Variants in JARID2 observed in about 807,000 individuals in gnomAD.
JARID2 encodes the protein protein Jumonji.
JARID2 carries 21 observed loss-of-function variants against 125.6 expected under a neutral mutation model. The observed-to-expected ratio is 0.17, with a 90% CI of 0.12 to 0.24. JARID2 has a LOEUF of 0.24. JARID2 is among the 10% of genes least tolerant of loss of function. The probability of loss-of-function intolerance (pLI) is 1.00; values close to 1 mark genes in which losing one functional copy is unlikely to be tolerated. For missense variants in JARID2, 1,303 were observed against 1,639.6 expected (o/e 0.79, Z 3.55); for synonymous variants, 736 against 661.6 (o/e 1.11, Z -1.73).
chr6:15,333,581 C>A (rs1762786589), intron 1 of JARID2, among the ~76,000 whole-genome samples: 1 of 152,146 alleles, frequency 6.6e-6, no homozygotes, highest in African/African-American at 2.4e-5. Context: ...CACATAACAC[C>A]AAATTTATCA....
At chr6:15,322,314 G>C (rs1292783700) in intron 1 of JARID2, among the ~76,000 whole-genome samples, 1 of 152,186 alleles carries the variant, frequency 6.6e-6, no homozygotes, top group East Asian at 1.9e-4. Context: ...GAGGGCACTT[G>C]CCAGGCATGG....
chr6:15,354,221 G>T (rs1250379348), intron 1 of JARID2, among the ~76,000 whole-genome samples: 1 of 152,212 alleles, frequency 6.6e-6, no homozygotes, highest in Non-Finnish European at 1.5e-5. Flanking sequence ...CAGGACCGAA[G>T]GTGGGAGTGA....
chr6:15,300,732 A>T (rs915936652), intron 1 of JARID2, among the ~76,000 whole-genome samples: 2,403 of 133,318 alleles, frequency 0.018, 23 homozygotes, highest in African/African-American at 0.025. Flanking sequence ...TGAGAGAGAG[A>T]GAGAGAGAGA....
At chr6:15,478,907 C>T (rs1292049001) in intron 5 of JARID2, among the ~76,000 whole-genome samples, 3 of 152,182 alleles carry the variant, frequency 2.0e-5, no homozygotes, top group South Asian at 4.1e-4. Flanking sequence ...TCAGGTGATC[C>T]GCCTGCCTCG....
intron 1 of JARID2, among the ~76,000 whole-genome samples, chr6:15,340,991 A>T (rs1049453074): frequency 6.6e-6 from 1 of 152,198 alleles, no homozygotes; most frequent in African/African-American, 2.4e-5. Flanking sequence ...TACACTTTCT[A>T]TATCCAAGGA....
chr6:15,475,113 G>T (rs1188802434), intron 5 of JARID2, among the ~76,000 whole-genome samples: 1 of 152,194 alleles, frequency 6.6e-6, no homozygotes, highest in African/African-American at 2.4e-5. Context: ...AAATTTCACT[G>T]AGGTCCATTT....
chr6:15,413,001 T>TG lies in JARID2; in HGVS notation c.323+2637dup, dbSNP rs199616817. On this transcript the variant is annotated intron_variant, in intron 3 of 17. Coordinates refer to ENST00000341776, the MANE Select transcript of JARID2 (RefSeq NM_004973.4). The stretch of plus-strand genomic sequence containing the variant: ...AAACATTATACATGGGAAGAGCTTG[T>TG]GTTTTTGTTTTTTTTTTTTTTGTTT... Among the ~76,000 whole-genome samples, 189 of 81,516 alleles carry TG rather than the reference T, an allele frequency of 2.3e-3. 10 individuals carry two copies. Among genetic ancestry groups the TG allele is most frequent in the African/African-American group, 0.011 (183 of 16,090 alleles). The allele number at this position is 81,516 out of a possible 152,430, so 53.5% of individuals were successfully genotyped here. A position where few individuals can be genotyped will look rare whatever the true frequency, so the allele number is the denominator to read the frequency against.
At chr6:15,441,844 T>G (rs2127619072) in intron 3 of JARID2, among the ~76,000 whole-genome samples, 1 of 152,180 alleles carries the variant, frequency 6.6e-6, no homozygotes, top group East Asian at 1.9e-4. Context: ...CAGCCTGGAG[T>G]GCAATGGCAC....
At chr6:15,467,950 T>C (rs1361870717) in intron 4 of JARID2, among the ~76,000 whole-genome samples, 2 of 152,222 alleles carry the variant, frequency 1.3e-5, no homozygotes, top group Non-Finnish European at 2.9e-5. Flanking sequence ...TCTTTATTTT[T>C]TATTTCAAAT....
At chr6:15,507,486 T>G in intron 11 of JARID2, 70 bp downstream of exon 11, 1 of 1,346,492 alleles carries the variant, frequency 7.4e-7, no homozygotes, top group Non-Finnish European at 1.1e-6. Context: ...GAACCAGGGC[T>G]GGGAAATCCC....
chr6:15,461,436 C>A (rs188124525), intron 4 of JARID2, among the ~76,000 whole-genome samples: 2 of 152,268 alleles, frequency 1.3e-5, no homozygotes, highest in Admixed American at 1.3e-4. Context: ...GAGCTGTAAT[C>A]CAGGAGGAGG....
At chr6:15,488,819 T>C (rs1400006637) in intron 6 of JARID2, among the ~76,000 whole-genome samples, 1 of 152,100 alleles carries the variant, frequency 6.6e-6, no homozygotes, top group Non-Finnish European at 1.5e-5. Context: ...TAGCACATAT[T>C]AAACACTGGC....
chr6:15,273,443 T>C (rs1222263833), intron 1 of JARID2, among the ~76,000 whole-genome samples: 1 of 152,256 alleles, frequency 6.6e-6, no homozygotes, highest in African/African-American at 2.4e-5. Flanking sequence ...GGCTCACGCC[T>C]GTAATCCCAG....
At chr6:15,347,445 C>T (rs1763279940) in intron 1 of JARID2, among the ~76,000 whole-genome samples, 1 of 152,146 alleles carries the variant, frequency 6.6e-6, no homozygotes, top group African/African-American at 2.4e-5. Flanking sequence ...CCTTTTAAAC[C>T]ATCAGAATTC....
chr6:15,312,205 C>G (rs540848453), intron 1 of JARID2, among the ~76,000 whole-genome samples: 141 of 152,224 alleles, frequency 9.3e-4, no homozygotes, highest in African/African-American at 3.0e-3. Context: ...CAGGCGTTTG[C>G]CACCACGCCT....
At chr6:15,247,517 TTTAAA>T (rs1441140272) in intron 1 of JARID2, 13 of 954,876 alleles carry the variant, frequency 1.4e-5, no homozygotes, top group East Asian at 2.6e-4. Context: ...AGCTGCATGC[TTTAAA>T]TTAAATAACT....
intron 1 of JARID2, among the ~76,000 whole-genome samples, chr6:15,267,064 C>T (rs146071048): frequency 6.6e-6 from 1 of 152,158 alleles, no homozygotes; most frequent in Admixed American, 6.5e-5. Flanking sequence ...CTTCTAGCTG[C>T]GTGATCGAGG....
intron 3 of JARID2, among the ~76,000 whole-genome samples, chr6:15,414,972 T>C (rs1220766976): frequency 1.3e-5 from 2 of 152,212 alleles, no homozygotes; most frequent in Admixed American, 1.3e-4. Flanking sequence ...CTTTCCGCAG[T>C]GTTTGTGTCC....
chr6:15,297,413 A>G (rs1461732373), intron 1 of JARID2, among the ~76,000 whole-genome samples: 1 of 151,696 alleles, frequency 6.6e-6, no homozygotes, highest in Non-Finnish European at 1.5e-5. Context: ...CTGGGATTAC[A>G]AGCATGAGCC....
Sources: allele counts gnomAD v4.1 joint callset (sites outside exome capture counted in the v4.1 genomes callset), GRCh38; gene constraint gnomAD v4.1.1; transcripts MANE v1.5; gene names NCBI Gene and HGNC (gene_info 2026-07-23, HGNC 2026-07-21).